CACNA1H: variants seen among roughly 807,000 people sequenced by gnomAD.
CACNA1H encodes voltage-dependent T-type calcium channel subunit alpha-1H.
A neutral mutation model predicts 192.5 loss-of-function variants in CACNA1H; 149 were observed. The observed-to-expected ratio is 0.77, with a 90% CI of 0.68 to 0.89. The LOEUF (loss-of-function observed/expected upper bound fraction) is 0.89, where lower values mean the gene tolerates loss of function less well. Among genes scored for constraint, CACNA1H ranks in the 40% least tolerant of loss-of-function variants. The pLI is 0.00. For synonymous variants in CACNA1H, 2,202 were observed against 1,475.2 expected (o/e 1.49, Z -11.29); for missense variants, 4,257 against 3,423.5 (o/e 1.24, Z -6.08).
intron 29 of CACNA1H, 62 bp downstream of exon 29, chr16:1,215,437 G>A (rs1057219396): frequency 1.4e-4 from 227 of 1,577,628 alleles, no homozygotes; most frequent in Non-Finnish European, 1.9e-4. Flanking sequence ...TCAGCCATGG[G>A]TGGGAGTGAG....
chr16:1,201,545 C>T (rs1295729662), intron 8 of CACNA1H, 118 bp from the exon 9 acceptor site: 3 of 1,271,564 alleles, frequency 2.4e-6, no homozygotes, highest in Non-Finnish European at 3.2e-6. Context: ...TAGCAGGGCA[C>T]CTCGCCCACT....
rs774463255 is a variant in CACNA1H, at chr16:1,195,972, A to G, written c.592A>G (p.Ile198Val). 1.9e-6 allele frequency: 3 copies of G among 1,613,116 alleles called. No individual in the cohort carries two copies. Among genetic ancestry groups the G allele is most frequent in the East Asian group, 2.2e-5 (1 of 44,876 alleles). The change falls in exon 5 of 35, where the codon ATC (isoleucine) becomes GTC (valine). Residue 198 changes from isoleucine to valine, a missense_variant. Physicochemically the swap from Ile to Val is conservative, Grantham distance 29. Coordinates refer to ENST00000348261, the MANE Select transcript of CACNA1H (RefSeq NM_021098.3). ...CGGACACAACGTGAGCCTCTCGGCT[A>G]TCAGGACCGTGCGGGTGCTGCGGCC... Reference protein sequence around the residue: ...LDGHNVSLSAIRTVRVLRPLR... With the variant: ...LDGHNVSLSAVRTVRVLRPLR...
At chr16:1,160,368 G>A (rs1433356953) in intron 2 of CACNA1H, among the ~76,000 whole-genome samples, 1 of 152,214 alleles carries the variant, frequency 6.6e-6, no homozygotes, top group Non-Finnish European at 1.5e-5. Context: ...ACCCTGGGCA[G>A]ATACAAGGGG....
chr16:1,160,894 G>A (rs1268316483), intron 2 of CACNA1H, among the ~76,000 whole-genome samples: 3 of 152,102 alleles, frequency 2.0e-5, no homozygotes, highest in African/African-American at 4.8e-5. Flanking sequence ...CCTCGGGTGC[G>A]CGGCCGGCGA....
chr16:1,218,134 G>A, intron 32 of CACNA1H, 76 bp from the exon 33 acceptor site: 2 of 1,535,846 alleles, frequency 1.3e-6, no homozygotes, highest in Non-Finnish European at 1.8e-6. Flanking sequence ...GCAGGGCAGG[G>A]GGAAGGGGAC....
At chr16:1,189,399 T>C (rs1397723409) in intron 2 of CACNA1H, among the ~76,000 whole-genome samples, 4 of 56,196 alleles carry the variant, frequency 7.1e-5, no homozygotes, top group African/African-American at 4.8e-4. Context: ...AGAGTGTCCT[T>C]TTTTTTTTTT....
In CACNA1H at chr16:1,200,714, A is replaced by C; in HGVS notation, c.1120-2A>C. The C allele has an allele frequency of 6.4e-7, 1 of 1,564,614 alleles. No individual in the cohort carries two copies. Among genetic ancestry groups the C allele is most frequent in the Non-Finnish European group, 8.7e-7 (1 of 1,154,532 alleles). On this transcript the variant is annotated splice_acceptor_variant, in intron 7 of 34. Transcript: ENST00000348261. LOFTEE classifies it high-confidence loss of function. The stretch of plus-strand genomic sequence containing the variant: ...GCCCAAGTCAAGCCACTGCCCCCCC[A>C]GGTGATCACGCTGGAAGGCTGGGTG...
intron 2 of CACNA1H, among the ~76,000 whole-genome samples, chr16:1,171,943 C>T (rs1195611949): frequency 6.6e-6 from 1 of 152,242 alleles, no homozygotes; most frequent in Non-Finnish European, 1.5e-5. Context: ...ACAGGCCAGG[C>T]GGGCGCCAGG....
rs1396490901 is a variant in CACNA1H at position 1,202,016 on chromosome 16, T to C, written c.1566T>C (p.His522=). The change falls in exon 9 of 35, where the codon CAT becomes CAC. Residue 522 remains histidine, a synonymous_variant. Coordinates refer to ENST00000348261, the MANE Select transcript of CACNA1H (RefSeq NM_021098.3). ...ASVHHLVYHH[H]HHHHHHYHFS... The stretch of plus-strand genomic sequence containing the variant: ...TGCACCACCTGGTCTACCACCACCA[T>C]CACCACCACCACCACCACTACCATT... 14 of 1,537,074 alleles carry C rather than the reference T, an allele frequency of 9.1e-6. No homozygotes were observed. The highest frequency in any genetic ancestry group is 5.9e-5 in the Admixed American group (3 of 50,808).
Position 1,218,004 on chromosome 16 carries a change from C to T in CACNA1H, c.5409C>T (p.Arg1803=), listed in dbSNP as rs903054199. The change falls in exon 32 of 35, where the codon CGC becomes CGT. Residue 1803 remains arginine (R), a synonymous_variant. Coordinates refer to ENST00000348261, the MANE Select transcript of CACNA1H (RefSeq NM_021098.3). ...GCATGGCCTTCCTCACGCTGTTCCGCGTGTCCACGGGGGACAACTGGAACG... is the reference window on the plus strand; with the variant it reads ...GCATGGCCTTCCTCACGCTGTTCCGTGTGTCCACGGGGGACAACTGGAACG... The part of the protein sequence containing the change: ...NFGMAFLTLF[R]VSTGDNWNGI... 3 of 1,601,894 alleles carry T rather than the reference C, an allele frequency of 1.9e-6. No homozygotes were observed. The highest frequency in any genetic ancestry group is 2.6e-6 in the Non-Finnish European group (3 of 1,174,828).
At chr16:1,165,804 A>G (rs1215559196) in intron 2 of CACNA1H, among the ~76,000 whole-genome samples, 1 of 152,172 alleles carries the variant, frequency 6.6e-6, no homozygotes, top group Non-Finnish European at 1.5e-5. Flanking sequence ...TGAACCCATC[A>G]GCCCATGGTT....
At chr16:1,192,473 T>C (rs564710939) in intron 2 of CACNA1H, among the ~76,000 whole-genome samples, 4 of 152,360 alleles carry the variant, frequency 2.6e-5, no homozygotes, top group Admixed American at 2.0e-4. Flanking sequence ...TGCTGGCCCC[T>C]TCCCTTCTGT....
At chr16:1,195,784 C>A in intron 4 of CACNA1H, 142 bp from the exon 5 acceptor site, 1 of 865,844 alleles carries the variant, frequency 1.2e-6, no homozygotes, top group Non-Finnish European at 1.9e-6. Flanking sequence ...CCTGCTACCT[C>A]GGGGCCCTTC....
chr16:1,218,999 G>C lies in CACNA1H; in HGVS notation c.5917G>C (p.Ala1973Pro), dbSNP rs1003957584. ...GSVASVHSPPAESCASLQIPL... is the reference protein window; with the variant it reads ...GSVASVHSPPPESCASLQIPL... ...CGTTGCCTCTGTGCACTCTCCGCCC[G>C]CAGAGTCCTGTGCCTCCCTCCAGAT... The change falls in exon 34 of 35, where the codon GCA becomes CCA. Residue 1973 changes from alanine (A) to proline (P), a missense_variant. Physicochemically the swap from Ala to Pro is conservative, Grantham distance 27. Transcript: ENST00000348261. The C allele has an allele frequency of 6.5e-7, 1 of 1,550,120 alleles. No homozygotes were observed. Among genetic ancestry groups the C allele is most frequent in the Non-Finnish European group, 8.7e-7 (1 of 1,146,884 alleles).
chr16:1,201,948 C>G lies in CACNA1H; in HGVS notation c.1498C>G (p.Pro500Ala), dbSNP rs1284409915. Residue 500 changes from proline (P) to alanine (A), a missense_variant, in exon 9 of 35, where the codon CCC becomes GCC. By Grantham distance (27) the Pro-to-Ala change is conservative (BLOSUM62 -1). Coordinates refer to ENST00000348261, the MANE Select transcript of CACNA1H (RefSeq NM_021098.3). ...VDPSAVQGQG[P>A]GHRQRRAGRH... ...CCCCAGTGCTGTGCAAGGCCAGGGT[C>G]CCGGGCACCGCCAGCGCCGGGCAGG... The G allele has an allele frequency of 6.5e-7, 1 of 1,547,182 alleles. No homozygotes were observed. The highest frequency in any genetic ancestry group is 2.4e-5 in the East Asian group (1 of 40,824).
intron 2 of CACNA1H, among the ~76,000 whole-genome samples, chr16:1,171,580 C>G (rs1301404311): frequency 1.3e-5 from 2 of 152,204 alleles, no homozygotes; most frequent in East Asian, 3.9e-4. Context: ...CCGCAGAAAA[C>G]CAGAGGCGCC....
Position 1,218,886 on chromosome 16 carries a change from C to T in CACNA1H, c.5888-84C>T, listed in dbSNP as rs1970249748. 4.5e-6 allele frequency: 6 copies of T among 1,320,460 alleles called. No homozygotes were observed. The South Asian group carries it at 5.5e-5, about 12-fold the overall frequency. 81.8% of individuals were successfully genotyped at this position (1,320,460 alleles called of 1,614,324 possible). On this transcript the variant is annotated intron_variant, in intron 33 of 34. Transcript: ENST00000348261. ...GGCTGGCCAGGAAGGAGGATGGTGG[C>T]AGGTTGGGGGAGGACGGGGGTGGGT...
In CACNA1H at chr16:1,204,247, G is replaced by C; in HGVS notation, c.2240G>C (p.Arg747Pro). ...GDRWDPTRPP[R>P]ATDTPGPGPG... is the part of the protein sequence containing the mutation. The stretch of plus-strand genomic sequence containing the variant: ...CGCTGGGACCCCACGCGACCACCCC[G>C]TGCGACGGACACACCAGGCCCAGGC... Residue 747 changes from arginine (R) to proline (P), a missense_variant, in exon 10 of 35, where the codon CGT becomes CCT. Arg to Pro is a moderately radical substitution (Grantham distance 103, BLOSUM62 -2). Transcript: ENST00000348261. 1 of 1,610,392 alleles carries C rather than the reference G, an allele frequency of 6.2e-7. No homozygotes were observed.
chr16:1,173,808 C>T (rs1964602171), intron 2 of CACNA1H, among the ~76,000 whole-genome samples: 1 of 152,200 alleles, frequency 6.6e-6, no homozygotes, highest in South Asian at 2.1e-4. Flanking sequence ...GACCTGTGCA[C>T]ACAGTGGGGC....
Sources: gnomAD v4.1 joint callset for allele counts (sites outside exome capture counted in the v4.1 genomes callset) on GRCh38, gnomAD v4.1.1 for gene constraint, MANE v1.5 for transcripts, NCBI Gene and HGNC (gene_info 2026-07-23, HGNC 2026-07-21) for gene names.